ABHD18: variants seen among roughly 807,000 people sequenced by gnomAD.
The protein encoded by ABHD18 is abhydrolase domain containing 18.
A neutral mutation model predicts 65.9 loss-of-function variants in ABHD18; 55 were observed. The observed-to-expected ratio is 0.84, with a 90% CI of 0.67 to 1.05. ABHD18 has a LOEUF of 1.05. Ranked by LOEUF, ABHD18 falls within the 50% of genes least tolerant of loss-of-function variation. The probability of loss-of-function intolerance (pLI) is 0.00; values close to 1 mark genes in which losing one functional copy is unlikely to be tolerated. For synonymous variants in ABHD18, 181 were observed against 180.2 expected (o/e 1.00, Z -0.04); for missense variants, 533 against 558.5 (o/e 0.95, Z 0.46).
intron 4 of ABHD18, among the ~76,000 whole-genome samples, chr4:128,006,924 T>G (rs905661984): frequency 1.3e-5 from 2 of 151,586 alleles, no homozygotes; most frequent in African/African-American, 2.4e-5. Flanking sequence ...CTCCAGAAAA[T>G]TAAAAGAAAT....
chr4:127,999,731 G>A (rs1752350904), intron 4 of ABHD18, among the ~76,000 whole-genome samples: 1 of 152,144 alleles, frequency 6.6e-6, no homozygotes, highest in South Asian at 2.1e-4. Context: ...CTCACATTCT[G>A]TAGGTTGTCT....
intron 10 of ABHD18, among the ~76,000 whole-genome samples, chr4:128,025,192 C>T (rs1228253515): frequency 1.3e-5 from 2 of 152,074 alleles, no homozygotes; most frequent in East Asian, 1.9e-4. Flanking sequence ...AAAATATGAA[C>T]TTTTTTTATC....
intron 10 of ABHD18, among the ~76,000 whole-genome samples, chr4:128,027,740 G>T (rs1399462176): frequency 6.6e-6 from 1 of 152,078 alleles, no homozygotes; most frequent in African/African-American, 2.4e-5. Flanking sequence ...ACCAGAGAAA[G>T]GGATTTGGAG....
Position 128,030,539 on chromosome 4 carries a change from G to A in ABHD18, c.1210G>A (p.Val404Ile), listed in dbSNP as rs185221344. 1 of 1,595,638 alleles carries A rather than the reference G, an allele frequency of 6.3e-7. No homozygotes were observed. Among genetic ancestry groups the A allele is most frequent in the South Asian group, 1.1e-5 (1 of 86,990 alleles). Residue 404 changes from valine to isoleucine, a missense_variant, in exon 12 of 13, where the codon GTT (valine) becomes ATT (isoleucine). This residue lies in a region of ABHD18 where 220 missense variants were observed against 226.8 expected (regional missense o/e 0.97). Coordinates refer to ENST00000645843, the MANE Select transcript of ABHD18 (RefSeq NM_001358451.3). ...AGTTGATCCAAGCCTCATTATAGTG[G>A]TTCAAGCCAAAGAAGATGCCTATAT... ...VPVDPSLIIVVQAKEDAYIPR... is the reference protein window; with the variant it reads ...VPVDPSLIIVIQAKEDAYIPR...
chr4:128,021,034 C>CA (rs398064025), intron 9 of ABHD18, 103 bp from the exon 10 acceptor site: 50,133 of 445,114 alleles, frequency 0.11, 25 homozygotes, highest in East Asian at 0.13. Flanking sequence ...ACTTCGTCTG[C>CA]AAAAAAAAAA....
At chr4:127,993,810 C>T (rs1751309803) in intron 4 of ABHD18, among the ~76,000 whole-genome samples, 1 of 152,094 alleles carries the variant, frequency 6.6e-6, no homozygotes, top group Admixed American at 6.6e-5. Context: ...CTATTATAAA[C>T]AACATCACAA....
chr4:127,980,054 T>C (rs1014150972), intron 1 of ABHD18, among the ~76,000 whole-genome samples: 2 of 152,220 alleles, frequency 1.3e-5, no homozygotes, highest in Non-Finnish European at 2.9e-5. Context: ...TTAAAAAGTA[T>C]GTGCAGTGGC....
intron 4 of ABHD18, among the ~76,000 whole-genome samples, chr4:128,007,742 A>G (rs1753848702): frequency 6.6e-6 from 1 of 150,484 alleles, no homozygotes; most frequent in Non-Finnish European, 1.5e-5. Context: ...CTGTCTCCAA[A>G]AAAAAAAAAA....
intron 12 of ABHD18, among the ~76,000 whole-genome samples, chr4:128,032,467 A>G (rs1360714920): frequency 6.6e-6 from 1 of 152,220 alleles, no homozygotes; most frequent in Non-Finnish European, 1.5e-5. Context: ...CGGGTGGATC[A>G]TGACATCAGG....
intron 4 of ABHD18, among the ~76,000 whole-genome samples, chr4:127,998,456 G>T (rs2149105510): frequency 6.6e-6 from 1 of 150,730 alleles, no homozygotes; most frequent in Middle Eastern, 3.6e-3. Flanking sequence ...AGCCAGGATG[G>T]TCTCGATCTC....
At chr4:128,021,107 G>A in intron 9 of ABHD18, 30 bp from the exon 10 acceptor site, 1 of 1,395,658 alleles carries the variant, frequency 7.2e-7, no homozygotes, top group Middle Eastern at 1.8e-4. Context: ...TTATGATGTG[G>A]TTTGATCTTA....
chr4:128,021,522 T>C (rs564190291), intron 10 of ABHD18, among the ~76,000 whole-genome samples: 1 of 152,058 alleles, frequency 6.6e-6, no homozygotes, highest in South Asian at 2.1e-4. Context: ...CGTGTGGTGG[T>C]AGGTGCCTGT....
At chr4:128,008,583 CT>C (rs747269901) in intron 4 of ABHD18, among the ~76,000 whole-genome samples, 20 of 152,046 alleles carry the variant, frequency 1.3e-4, no homozygotes, top group Non-Finnish European at 2.6e-4. Context: ...CCAATAGTTA[CT>C]TCTTTTAAGA....
chr4:127,978,009 G>A (rs1748293623), intron 1 of ABHD18, among the ~76,000 whole-genome samples: 1 of 151,956 alleles, frequency 6.6e-6, no homozygotes, highest in African/African-American at 2.4e-5. Flanking sequence ...GTTAATATAT[G>A]GATTGAACAC....
chr4:127,972,800 A>T (rs1747099563), intron 1 of ABHD18, among the ~76,000 whole-genome samples: 2 of 152,114 alleles, frequency 1.3e-5, no homozygotes, highest in Admixed American at 6.6e-5. Flanking sequence ...CATGATTGTA[A>T]TTGCACTAAA....
intron 12 of ABHD18, among the ~76,000 whole-genome samples, chr4:128,032,371 CT>C (rs1237666613): frequency 1.3e-5 from 2 of 152,150 alleles, no homozygotes; most frequent in African/African-American, 4.8e-5. Flanking sequence ...AAAATTCAGT[CT>C]TTTCACACAC....
intron 10 of ABHD18, among the ~76,000 whole-genome samples, chr4:128,028,163 C>G (rs572031336): frequency 8.3e-4 from 127 of 152,322 alleles, no homozygotes; most frequent in Middle Eastern, 3.4e-3. Context: ...TCTCTGGCAA[C>G]TGCCATTCTC....
intron 1 of ABHD18, among the ~76,000 whole-genome samples, chr4:127,969,984 A>G (rs923614497): frequency 1.3e-5 from 2 of 151,772 alleles, no homozygotes; most frequent in African/African-American, 2.4e-5. Context: ...CCTGGGCCCG[A>G]GCAGTCCTCC....
At chr4:128,006,064 G>A (rs1753550707) in intron 4 of ABHD18, among the ~76,000 whole-genome samples, 1 of 152,174 alleles carries the variant, frequency 6.6e-6, no homozygotes, top group South Asian at 2.1e-4. Context: ...CCAGTCAGCT[G>A]TGGCAGAGGA....
Sources: gnomAD v4.1 joint callset for allele counts (sites outside exome capture counted in the v4.1 genomes callset) on GRCh38, gnomAD v4.1.1 for gene constraint, gnomAD v4.1.1 regional missense constraint, MANE v1.5 for transcripts, NCBI Gene and HGNC (gene_info 2026-07-23, HGNC 2026-07-21) for gene names.